RGS6: variants seen among roughly 807,000 people sequenced by gnomAD.
RGS6 encodes regulator of G protein signaling 6, also known as regulator of G-protein signaling 6.
Under a neutral mutation model 78.5 loss-of-function variants are expected in RGS6, and 30 were observed. The observed-to-expected ratio is 0.38, with a 90% CI of 0.29 to 0.52. The LOEUF is 0.52. RGS6 is among the 20% of genes least tolerant of loss of function. The pLI, the probability that RGS6 is intolerant of heterozygous loss-of-function variation, is 0.85. For synonymous variants in RGS6, 206 were observed against 206.0 expected, an observed-to-expected ratio of 1.00 and a Z score of 0.00; for missense variants, 495 against 609.7, an observed-to-expected ratio of 0.81 and a Z score of 1.98.
At chr14:72,619,746 T>C in the RGS6 span, among the ~76,000 whole-genome samples, 6 of 152,188 alleles carry the variant, frequency 3.9e-5, no homozygotes, top group Non-Finnish European at 7.3e-5. Context: ...AAAATGGCAG[T>C]CGTCGTACCT....
chr14:72,605,211 A>C, the RGS6 span, among the ~76,000 whole-genome samples: 1 of 152,304 alleles, frequency 6.6e-6, no homozygotes, highest in East Asian at 1.9e-4. Flanking sequence ...AGAGCTTTCC[A>C]TGCTGGAGAA....
intron 2 of RGS6, among the ~76,000 whole-genome samples, chr14:72,156,316 C>G (rs910601968): frequency 6.6e-6 from 1 of 151,706 alleles, no homozygotes; most frequent in South Asian, 2.1e-4. Flanking sequence ...CGTGGTGGCA[C>G]GGGCCTGTAA....
chr14:71,899,133 G>A, the RGS6 span, among the ~76,000 whole-genome samples: 2 of 152,026 alleles, frequency 1.3e-5, no homozygotes, highest in Admixed American at 6.5e-5. Context: ...TTTTTTAAAA[G>A]TGATCTTTAA....
chr14:71,881,217 G>T, the RGS6 span, among the ~76,000 whole-genome samples: 5 of 152,204 alleles, frequency 3.3e-5, no homozygotes, highest in African/African-American at 1.2e-4. Flanking sequence ...ACTTGCATTT[G>T]ATTTTACAGG....
At chr14:72,184,369 A>AACACAC (rs10638767) in intron 2 of RGS6, among the ~76,000 whole-genome samples, 7,686 of 141,278 alleles carry the variant, frequency 0.054, 257 homozygotes, top group African/African-American at 0.075. Flanking sequence ...TTTACTTTCA[A>AACACAC]ACACACACAC....
intron 12 of RGS6, among the ~76,000 whole-genome samples, chr14:72,490,602 T>C (rs1325370870): frequency 3.3e-5 from 5 of 152,156 alleles, no homozygotes; most frequent in Admixed American, 6.5e-5. Context: ...TGGTCCTGAG[T>C]GCTCAACAAG....
At chr14:72,023,440 G>T (rs932429380) in intron 2 of RGS6, among the ~76,000 whole-genome samples, 3 of 152,128 alleles carry the variant, frequency 2.0e-5, no homozygotes, top group African/African-American at 4.8e-5. Flanking sequence ...ATTCTCAAGG[G>T]ATTAAAACTA....
At chr14:71,933,018 C>G (rs950436904) in intron 1 of RGS6, 77 bp downstream of exon 1, 5 of 152,260 alleles carry the variant, frequency 3.3e-5, no homozygotes, top group African/African-American at 1.2e-4. Context: ...TCCTCCCTCC[C>G]CACCCCATTA....
In RGS6 at chr14:71,980,034, T is replaced by C. The variant is rs1595580456; in HGVS notation, c.84+15159T>C. ...TATGTAATGGCCTTCTTTGTCTCTT[T>C]TGATCTTTGTTGGTTTAAAGTCTGT... On this transcript the variant is annotated intron_variant, in intron 2 of 17. Coordinates refer to ENST00000553525, the MANE Select transcript of RGS6 (RefSeq NM_001204424.2). 1.1e-4 allele frequency among the ~76,000 whole-genome samples: 16 copies of C among 139,718 alleles called. No homozygotes were observed. The South Asian group carries it at 4.2e-3, about 37-fold the overall frequency. 91.7% of individuals were successfully genotyped at this position (139,718 alleles called of 152,430 possible).
At chr14:72,248,501 A>G (rs1222777815) in intron 2 of RGS6, among the ~76,000 whole-genome samples, 4 of 152,230 alleles carry the variant, frequency 2.6e-5, no homozygotes, top group East Asian at 1.9e-4. Flanking sequence ...ATAACACTCT[A>G]TGTAACCCAC....
intron 15 of RGS6, among the ~76,000 whole-genome samples, chr14:72,519,015 G>A (rs1598621891): frequency 2.0e-5 from 3 of 152,204 alleles, no homozygotes; most frequent in African/African-American, 7.2e-5. Flanking sequence ...CAGGCTCTGC[G>A]CTATGTGATA....
chr14:72,093,398 A>T (rs2095327471), intron 2 of RGS6, among the ~76,000 whole-genome samples: 1 of 152,038 alleles, frequency 6.6e-6, no homozygotes, highest in African/African-American at 2.4e-5. Context: ...GCATGCCACC[A>T]CGCCCACCTA....
chr14:72,550,912 T>C (rs1036921824), intron 17 of RGS6, among the ~76,000 whole-genome samples: 1 of 152,148 alleles, frequency 6.6e-6, no homozygotes, highest in Non-Finnish European at 1.5e-5. Context: ...CAATCTCAGC[T>C]CACTGCAACC....
chr14:72,522,928 A>G (rs1200497639), intron 15 of RGS6, among the ~76,000 whole-genome samples: 4 of 152,186 alleles, frequency 2.6e-5, no homozygotes, highest in Non-Finnish European at 4.4e-5. Flanking sequence ...GTTAGAGGAG[A>G]CTTGGTTTTG....
intron 2 of RGS6, among the ~76,000 whole-genome samples, chr14:72,062,590 T>C (rs561439049): frequency 6.6e-5 from 10 of 152,314 alleles, no homozygotes; most frequent in African/African-American, 2.4e-4. Flanking sequence ...TTGAAAATAT[T>C]GCTATTAGGA....
At chr14:72,328,830 T>C (rs2074362105) in intron 2 of RGS6, among the ~76,000 whole-genome samples, 1 of 152,236 alleles carries the variant, frequency 6.6e-6, no homozygotes, top group Non-Finnish European at 1.5e-5. Context: ...AAATGTGAAA[T>C]ATATACAATA....
intron 13 of RGS6, among the ~76,000 whole-genome samples, chr14:72,507,244 AAGAG>A (rs2096819812): frequency 6.6e-6 from 1 of 152,122 alleles, no homozygotes; most frequent in South Asian, 2.1e-4. Flanking sequence ...GAAACACAGG[AAGAG>A]AGAGTGCAGT....
chr14:72,035,840 GT>G (rs528382060), intron 2 of RGS6, among the ~76,000 whole-genome samples: 186 of 152,182 alleles, frequency 1.2e-3, no homozygotes, highest in African/African-American at 4.5e-3. Context: ...TTATTTATTT[GT>G]TTTAACTTCT....
At chr14:72,623,395 T>C in the RGS6 span, among the ~76,000 whole-genome samples, 1 of 152,308 alleles carries the variant, frequency 6.6e-6, no homozygotes, top group East Asian at 1.9e-4. Flanking sequence ...AGAGAGAAAC[T>C]ATTCCATCTG....
Sources: gnomAD v4.1 joint callset for allele counts (sites outside exome capture counted in the v4.1 genomes callset) on GRCh38, gnomAD v4.1.1 for gene constraint, MANE v1.5 for transcripts, NCBI Gene and HGNC (gene_info 2026-07-23, HGNC 2026-07-21) for gene names.